PACS1: variants seen among roughly 807,000 people sequenced by gnomAD.
PACS1 encodes the protein PACS-1.
A neutral mutation model predicts 115.0 loss-of-function variants in PACS1; 24 were observed. That is an observed-to-expected ratio of 0.21 (90% CI 0.15 to 0.29). PACS1 has a LOEUF of 0.29. PACS1 is among the 10% of genes least tolerant of loss of function. The pLI is 1.00. For missense variants in PACS1, 838 were observed against 1,251.2 expected (o/e 0.67, Z 4.98); for synonymous variants, 453 against 504.5 (o/e 0.90, Z 1.37).
intron 1 of PACS1, among the ~76,000 whole-genome samples, chr11:66,158,803 A>G (rs1026868464): frequency 1.3e-5 from 2 of 152,230 alleles, no homozygotes; most frequent in Non-Finnish European, 2.9e-5. Flanking sequence ...AAGATGAAGG[A>G]CAAGGCATTA....
intron 1 of PACS1, among the ~76,000 whole-genome samples, chr11:66,161,411 C>T (rs868303880): frequency 1.3e-5 from 2 of 152,122 alleles, no homozygotes; most frequent in African/African-American, 2.4e-5. Context: ...CGAGATCACA[C>T]TGCTGTACTC....
chr11:66,214,620 C>CTTT (rs578031707), intron 4 of PACS1, among the ~76,000 whole-genome samples: 8 of 115,322 alleles, frequency 6.9e-5, no homozygotes, highest in Non-Finnish European at 1.0e-4. Context: ...TTTTTCTTTT[C>CTTT]TTTTTTTTTT....
rs1855064755 is a variant in PACS1, at chr11:66,211,278, C to CA, written c.660+19_660+20insA. On this transcript the variant is annotated intron_variant, in intron 4 of 23. Transcript: ENST00000320580. ...GGCAGAGGTGAGAGGAACACAGTCTCCAGACTGTTGGCCTTTGAGTCACAG... is the reference window on the plus strand; with the variant it reads ...GGCAGAGGTGAGAGGAACACAGTCTCACAGACTGTTGGCCTTTGAGTCACAG... 2 of 1,612,432 alleles carry CA rather than the reference C, an allele frequency of 1.2e-6. No individual in the cohort carries two copies. Among genetic ancestry groups the CA allele is most frequent in the African/African-American group, 2.7e-5 (2 of 75,000 alleles).
chr11:66,131,460 G>A (rs1009242318), intron 1 of PACS1, among the ~76,000 whole-genome samples: 5 of 152,078 alleles, frequency 3.3e-5, no homozygotes, highest in Non-Finnish European at 7.4e-5. Context: ...ATATATTGTA[G>A]CTATTAATCC....
At chr11:66,076,623 C>T (rs994650168) in intron 1 of PACS1, among the ~76,000 whole-genome samples, 3 of 152,134 alleles carry the variant, frequency 2.0e-5, no homozygotes, top group African/African-American at 7.2e-5. Flanking sequence ...GAACTTCTGA[C>T]CTCAAGTGAT....
At chr11:66,141,425 G>A (rs1311581132) in intron 1 of PACS1, among the ~76,000 whole-genome samples, 4 of 152,026 alleles carry the variant, frequency 2.6e-5, no homozygotes, top group East Asian at 1.9e-4. Flanking sequence ...ATACCAAGGC[G>A]GGCGGATCAC....
At chr11:66,109,532 C>G (rs1010784690) in intron 1 of PACS1, among the ~76,000 whole-genome samples, 2 of 152,148 alleles carry the variant, frequency 1.3e-5, no homozygotes, top group Admixed American at 6.5e-5. Flanking sequence ...TTTATAGTAA[C>G]AAGAAGGTAG....
chr11:66,091,776 GT>G (rs1224772643), intron 1 of PACS1, among the ~76,000 whole-genome samples: 1 of 151,734 alleles, frequency 6.6e-6, no homozygotes, highest in Non-Finnish European at 1.5e-5. Context: ...GCAGTGTTTG[GT>G]TTTTTGTTGT....
At chr11:66,214,949 T>C (rs939439580) in intron 4 of PACS1, among the ~76,000 whole-genome samples, 3 of 150,716 alleles carry the variant, frequency 2.0e-5, no homozygotes, top group Admixed American at 2.0e-4. Flanking sequence ...TCTTTTCTTT[T>C]TTAGATGGAG....
intron 1 of PACS1, among the ~76,000 whole-genome samples, chr11:66,169,233 G>A (rs1859681768): frequency 6.6e-6 from 1 of 150,472 alleles, no homozygotes; most frequent in Non-Finnish European, 1.5e-5. Context: ...TTTGCTAAGA[G>A]GACTTATCAT....
At chr11:66,217,808 T>C (rs1167878214) in intron 7 of PACS1, 7 of 326,184 alleles carry the variant, frequency 2.1e-5, no homozygotes, top group Non-Finnish European at 4.3e-5. Flanking sequence ...GTAGGATCTC[T>C]CTCTAGTCAG....
chr11:66,147,641 A>G (rs1411721712), intron 1 of PACS1, among the ~76,000 whole-genome samples: 3 of 152,226 alleles, frequency 2.0e-5, no homozygotes, highest in African/African-American at 7.2e-5. Context: ...AAAAGCAAAA[A>G]TAATAACAAT....
intron 1 of PACS1, among the ~76,000 whole-genome samples, chr11:66,079,999 C>A (rs1475084044): frequency 7.2e-5 from 11 of 152,210 alleles, no homozygotes; most frequent in Non-Finnish European, 1.6e-4. Flanking sequence ...TGACCTGCTA[C>A]CTTGGAAGGC....
In PACS1 at chr11:66,207,193, G is replaced by A. The variant is rs572616581; in HGVS notation, c.445-3169G>A. Among the ~76,000 whole-genome samples the A allele has an allele frequency of 6.6e-5, 10 of 152,302 alleles. No individual in the cohort carries two copies. The South Asian group carries it at 1.9e-3, about 28-fold the overall frequency. On this transcript the variant is annotated intron_variant, in intron 2 of 23. Coordinates refer to ENST00000320580, the MANE Select transcript of PACS1 (RefSeq NM_018026.4). ...TACCATTATCACACCTTGGCCAGAC[G>A]CGGTGGCTCATGCCTGTAATACCAG...
chr11:66,240,073 A>G (rs796451701), intron 21 of PACS1, among the ~76,000 whole-genome samples: 3 of 152,122 alleles, frequency 2.0e-5, no homozygotes, highest in South Asian at 4.1e-4. Context: ...GGGCCTCTCT[A>G]AAGGAAACAA....
intron 1 of PACS1, among the ~76,000 whole-genome samples, chr11:66,169,359 G>C: frequency 6.7e-6 from 1 of 149,888 alleles, no homozygotes; most frequent in Non-Finnish European, 1.5e-5. Flanking sequence ...TAATGTTAAA[G>C]CATCTTTACA....
At position 66,210,452 on chromosome 11, in the gene PACS1, G is replaced by A. The variant is rs1376963243; in HGVS notation, c.534+1G>A. On this transcript the variant is annotated splice_donor_variant, in intron 3 of 23. Transcript: ENST00000320580. LOFTEE classifies it high-confidence loss of function. ...GCTCCAATTAACCTTCTCCCTTCAG[G>A]TGAGACTCTCCTAATCTTAGGCCCC... The A allele has an allele frequency of 6.2e-7, 1 of 1,602,228 alleles. No homozygotes were observed. Among genetic ancestry groups the A allele is most frequent in the Non-Finnish European group, 8.6e-7 (1 of 1,169,228 alleles).
At chr11:66,211,381 T>C (rs926374917) in intron 4 of PACS1, 122 bp downstream of exon 4, 53 of 941,706 alleles carry the variant, frequency 5.6e-5, no homozygotes, top group Non-Finnish European at 7.4e-5. Context: ...TGCTTAATTC[T>C]GTTTTACGAG....
In PACS1 at chr11:66,230,911, C is replaced by CG; in HGVS notation, c.1598dup (p.Ser534LeufsTer17). ...GAGGACCAACAGTTCCGACAGCGAGCGCTCCCCAGATCTGGGCCACAGCAC... is the reference window on the plus strand; with the variant it reads ...GAGGACCAACAGTTCCGACAGCGAGCGGCTCCCCAGATCTGGGCCACAGCAC... On this transcript the variant is annotated frameshift_variant, in exon 13 of 24. Transcript: ENST00000320580. LOFTEE classifies it high-confidence loss of function. 6.2e-7 allele frequency: 1 copy of CG among 1,614,106 alleles called. No homozygotes were observed. The highest frequency in any genetic ancestry group is 8.5e-7 in the Non-Finnish European group (1 of 1,179,974).
Sources: gnomAD v4.1 joint callset for allele counts (sites outside exome capture counted in the v4.1 genomes callset) on GRCh38, gnomAD v4.1.1 for gene constraint, MANE v1.5 for transcripts, NCBI Gene and HGNC (gene_info 2026-07-23, HGNC 2026-07-21) for gene names.